HPS1: variants seen among roughly 807,000 people sequenced by gnomAD.
The protein encoded by HPS1 is HPS1 biogenesis of lysosomal organelles complex 3 subunit 1.
A neutral mutation model predicts 90.6 loss-of-function variants in HPS1; 59 were observed. The ratio of observed to expected loss-of-function variants is 0.65; its 90% CI spans 0.53 to 0.81. HPS1 has a LOEUF of 0.81. Ranked by LOEUF, HPS1 falls within the 30% of genes least tolerant of loss-of-function variation. HPS1 has a pLI of 0.00. For synonymous variants in HPS1, 388 were observed against 384.4 expected (o/e 1.01, Z -0.11); for missense variants, 849 against 896.7 (o/e 0.95, Z 0.68).
intron 1 of HPS1, among the ~76,000 whole-genome samples, chr10:98,446,522 G>C (rs1483718756): frequency 3.3e-5 from 5 of 152,170 alleles, no homozygotes; most frequent in Non-Finnish European, 5.9e-5. Flanking sequence ...TTCGGAGCCC[G>C]GCCCTGCCCC....
At position 98,435,418 on chromosome 10, in the gene HPS1, C is replaced by A. The variant is rs372404024; in HGVS notation, c.256-4G>T. The A allele has an allele frequency of 6.2e-7, 1 of 1,613,612 alleles. No homozygotes were observed. The highest frequency in any genetic ancestry group is 8.5e-7 in the Non-Finnish European group (1 of 1,180,030). ...CAATGAACAGGCATTCTCCAAACTG[C>A]AGGCACAGGCAGGCCAGTGTCAGCC... is the stretch of plus-strand genomic sequence containing the variant. On this transcript the variant is annotated splice_region_variant and splice_polypyrimidine_tract_variant and intron_variant, in intron 4 of 19. Transcript: ENST00000361490. This position sits in a 1 kb window ranked among gnomAD's most constrained non-coding sequence, Gnocchi z 4.3.
chr10:98,415,258 GC>G, downstream of HPS1: 1 of 1,291,834 alleles, frequency 7.7e-7, no homozygotes, highest in Non-Finnish European at 1.0e-6. Flanking sequence ...CCCCCTCCAG[GC>G]CCCCTCCACC....
chr10:98,427,173 C>G (rs1845717292), intron 11 of HPS1, 42 bp downstream of exon 11: 1 of 1,518,928 alleles, frequency 6.6e-7, no homozygotes, highest in Non-Finnish European at 8.9e-7. Flanking sequence ...ACTGCGGCAT[C>G]TCAGATCAGC....
Position 98,422,362 on chromosome 10 carries a change from T to C in HPS1, c.1743+7A>G, listed in dbSNP as rs1473931367. On this transcript the variant is annotated splice_region_variant and intron_variant, in intron 17 of 19. Coordinates refer to ENST00000361490, the MANE Select transcript of HPS1 (RefSeq NM_000195.5). Reference sequence around the variant, plus strand: ...CACCCATCCCCGCCCTGGGTCCAAATGGTTACCTTAGTTTTGACAAAGGCA... The same window carrying C: ...CACCCATCCCCGCCCTGGGTCCAAACGGTTACCTTAGTTTTGACAAAGGCA... 2 of 1,357,186 alleles carry C rather than the reference T, an allele frequency of 1.5e-6. No homozygotes were observed. Among genetic ancestry groups the C allele is most frequent in the East Asian group, 2.8e-5 (1 of 36,110 alleles). 84.1% of individuals were successfully genotyped at this position (1,357,186 alleles called of 1,614,324 possible).
At chr10:98,426,626 A>G (rs1010269760) in intron 11 of HPS1, among the ~76,000 whole-genome samples, 2 of 152,228 alleles carry the variant, frequency 1.3e-5, no homozygotes, top group African/African-American at 4.8e-5. Flanking sequence ...TGGACTACCA[A>G]TCATTACAAA....
intron 13 of HPS1, among the ~76,000 whole-genome samples, chr10:98,425,321 G>A (rs1187878580): frequency 2.6e-5 from 4 of 152,366 alleles, no homozygotes; most frequent in East Asian, 3.9e-4. Flanking sequence ...ATTATAATTC[G>A]TATTCTGCCA....
intron 3 of HPS1, among the ~76,000 whole-genome samples, chr10:98,440,039 T>C (rs1360778070): frequency 1.1e-4 from 17 of 152,190 alleles, no homozygotes. Context: ...CTTTGCCTTT[T>C]GACATGATTG....
intron 6 of HPS1, among the ~76,000 whole-genome samples, chr10:98,432,835 G>A (rs1434777716): frequency 1.3e-5 from 2 of 152,118 alleles, no homozygotes; most frequent in Non-Finnish European, 2.9e-5. Context: ...TTCTTCAGTT[G>A]TGAGTTCACG....
chr10:98,417,867 G>A lies in HPS1; in HGVS notation c.1941-141C>T, dbSNP rs1006996590. 1.2e-5 allele frequency: 9 copies of A among 775,650 alleles called. No individual in the cohort carries two copies. The highest frequency in any genetic ancestry group is 3.4e-5 in the African/African-American group (2 of 58,006). 48.0% of individuals were successfully genotyped at this position (775,650 alleles called of 1,614,324 possible). ...CCCCTGCATGTGGGCCTTGACAACC[G>A]CTCCGGTTCCTCACTGACCTAACAG... is the stretch of plus-strand genomic sequence containing the variant. On this transcript the variant is annotated intron_variant, in intron 19 of 19. Coordinates refer to ENST00000361490, the MANE Select transcript of HPS1 (RefSeq NM_000195.5). This position sits in a 1 kb window ranked among gnomAD's most constrained non-coding sequence, Gnocchi z 4.2.
chr10:98,426,774 G>C (rs1293035954), intron 11 of HPS1, among the ~76,000 whole-genome samples: 1 of 145,606 alleles, frequency 6.9e-6, no homozygotes, highest in African/African-American at 2.5e-5. Context: ...GTGTGTGTGT[G>C]TGTGTAAAGT....
intron 9 of HPS1, 59 bp downstream of exon 9, chr10:98,429,732 G>A (rs1181170192): frequency 1.9e-6 from 3 of 1,613,424 alleles, no homozygotes; most frequent in Non-Finnish European, 2.5e-6. Context: ...GAAAGGCCTG[G>A]TCGCCTGCAG....
At chr10:98,436,486 T>G (rs1193045572) in intron 3 of HPS1, among the ~76,000 whole-genome samples, 1 of 152,216 alleles carries the variant, frequency 6.6e-6, no homozygotes, top group African/African-American at 2.4e-5. Context: ...TTTTTTTCCC[T>G]CTATTTTTAA....
intron 8 of HPS1, 120 bp downstream of exon 8, chr10:98,430,451 C>A: frequency 1.3e-6 from 1 of 774,202 alleles, no homozygotes; most frequent in Non-Finnish European, 2.3e-6. Context: ...CAACCACACA[C>A]CCAGAATTGT....
At chr10:98,415,072 G>C (rs74845305), downstream of HPS1, 1,562 of 1,613,814 alleles carry the variant, frequency 9.7e-4, 14 homozygotes, top group African/African-American at 0.019. Flanking sequence ...GTGTTATCTC[G>C]TCTCCACGCC....
At chr10:98,419,271 C>G (rs1159644906) in intron 18 of HPS1, among the ~76,000 whole-genome samples, 1 of 152,170 alleles carries the variant, frequency 6.6e-6, no homozygotes, top group South Asian at 2.1e-4. Context: ...CCAAGGGCTG[C>G]GAGGGAGGAG....
Position 98,417,371 on chromosome 10 carries a change from G to A in HPS1, c.*193C>T, listed in dbSNP as rs1325182767. The A allele has an allele frequency of 7.1e-6, 4 of 561,612 alleles. No homozygotes were observed. Among genetic ancestry groups the A allele is most frequent in the Non-Finnish European group, 9.5e-6 (3 of 316,858 alleles). The allele number at this position is 561,612 out of a possible 1,614,324, so 34.8% of individuals were successfully genotyped here. ...GCTTCCCTCTTCCTCCAGAGAGAAG[G>A]ATCTGGGGCCTTGCTCAGTACCTGA... is the stretch of plus-strand genomic sequence containing the variant. On this transcript the variant is annotated 3_prime_UTR_variant, in exon 20 of 20. Transcript: ENST00000361490. The surrounding 1 kb of genome is among the most constrained non-coding windows in gnomAD (Gnocchi z 4.2).
At chr10:98,434,241 G>T in intron 5 of HPS1, 150 bp from the exon 6 acceptor site, 1 of 785,764 alleles carries the variant, frequency 1.3e-6, no homozygotes, top group Admixed American at 2.8e-5. Flanking sequence ...CCAGGTTTCC[G>T]GCCGAGCTCT....
chr10:98,437,163 G>C (rs917655128), intron 3 of HPS1, among the ~76,000 whole-genome samples: 1 of 151,946 alleles, frequency 6.6e-6, no homozygotes, highest in Non-Finnish European at 1.5e-5. Flanking sequence ...TCCTTCTTTA[G>C]ACTCTAAGTT....
intron 17 of HPS1, 115 bp from the exon 18 acceptor site, chr10:98,420,273 T>A: frequency 1.3e-6 from 1 of 769,614 alleles, no homozygotes; most frequent in South Asian, 1.4e-5. Flanking sequence ...GCCAGGGGCC[T>A]CTCCTAGTAC....
Sources: allele counts gnomAD v4.1 joint callset (sites outside exome capture counted in the v4.1 genomes callset), GRCh38; gene constraint gnomAD v4.1.1; non-coding constraint Gnocchi (gnomAD v3.1); transcripts MANE v1.5; gene names NCBI Gene and HGNC (gene_info 2026-07-23, HGNC 2026-07-21).